Variants in HS3ST3A1 observed in about 807,000 individuals in gnomAD.
HS3ST3A1 encodes the protein heparan sulfate glucosamine 3-O-sulfotransferase 3A1.
A neutral mutation model predicts 25.7 loss-of-function variants in HS3ST3A1; 19 were observed. The ratio of observed to expected loss-of-function variants is 0.74; its 90% CI spans 0.52 to 1.08. The LOEUF is 1.08. HS3ST3A1 is among the 50% of genes least tolerant of loss of function. The probability of loss-of-function intolerance (pLI) is 0.00; values close to 1 mark genes in which losing one functional copy is unlikely to be tolerated. For synonymous variants in HS3ST3A1, 226 were observed against 278.6 expected (o/e 0.81, Z 1.88); for missense variants, 459 against 594.3 (o/e 0.77, Z 2.37).
chr17:13,523,056 C>T (rs1318793693), intron 1 of HS3ST3A1, among the ~76,000 whole-genome samples: 1 of 152,022 alleles, frequency 6.6e-6, no homozygotes, highest in Non-Finnish European at 1.5e-5. Flanking sequence ...AAACCAAAGG[C>T]AGAAGTGAGA....
intron 1 of HS3ST3A1, among the ~76,000 whole-genome samples, chr17:13,572,043 G>T (rs1048138011): frequency 2.6e-5 from 4 of 152,186 alleles, no homozygotes; most frequent in African/African-American, 9.7e-5. Flanking sequence ...ACAGCCATGA[G>T]CCACAGCACC....
At chr17:13,509,827 C>G (rs972596476) in intron 1 of HS3ST3A1, among the ~76,000 whole-genome samples, 1 of 152,124 alleles carries the variant, frequency 6.6e-6, no homozygotes, top group South Asian at 2.1e-4. Context: ...GTCATTCAGC[C>G]GAAAGAACAC....
intron 1 of HS3ST3A1, among the ~76,000 whole-genome samples, chr17:13,536,010 C>A (rs909814217): frequency 6.6e-6 from 1 of 152,102 alleles, no homozygotes; most frequent in Non-Finnish European, 1.5e-5. Flanking sequence ...CCTAGAGAAC[C>A]ACAGTTACTA....
chr17:13,519,381 C>A (rs1367756258), intron 1 of HS3ST3A1, among the ~76,000 whole-genome samples: 1 of 152,088 alleles, frequency 6.6e-6, no homozygotes, highest in Non-Finnish European at 1.5e-5. Flanking sequence ...TATTTTAGCC[C>A]ATTTTTCTTT....
In HS3ST3A1 at chr17:13,530,113, C is replaced by T. The variant is rs1906559815; in HGVS notation, c.600-33295G>A. Among the ~76,000 whole-genome samples, 4 of 152,102 alleles carry T rather than the reference C, an allele frequency of 2.6e-5. No individual in the cohort carries two copies. The South Asian group carries it at 6.2e-4, about 24-fold the overall frequency. ...GGGCTTGATCTCAGAAGAAGAAATGCCCCCTTTTCATTCCTTTGAATAGAT... is the reference window on the plus strand; with the variant it reads ...GGGCTTGATCTCAGAAGAAGAAATGTCCCCTTTTCATTCCTTTGAATAGAT... On this transcript the variant is annotated intron_variant, in intron 1 of 1. Coordinates refer to ENST00000284110, the MANE Select transcript of HS3ST3A1 (RefSeq NM_006042.3).
At chr17:13,527,307 G>A (rs1012915670) in intron 1 of HS3ST3A1, among the ~76,000 whole-genome samples, 3 of 152,186 alleles carry the variant, frequency 2.0e-5, no homozygotes, top group African/African-American at 7.2e-5. Context: ...AGGGCATGGA[G>A]CATTAAAAAG....
intron 1 of HS3ST3A1, among the ~76,000 whole-genome samples, chr17:13,583,312 T>C (rs1236433038): frequency 6.6e-6 from 1 of 152,208 alleles, no homozygotes; most frequent in East Asian, 1.9e-4. Flanking sequence ...TCTCTTCCCC[T>C]TTTGGTTTTC....
At chr17:13,552,380 C>T (rs540545938) in intron 1 of HS3ST3A1, among the ~76,000 whole-genome samples, 3 of 152,324 alleles carry the variant, frequency 2.0e-5, no homozygotes, top group East Asian at 3.9e-4. Context: ...CGCACCTGGC[C>T]GGTTCTTGAA....
At chr17:13,498,517 T>C (rs200149920) in intron 1 of HS3ST3A1, among the ~76,000 whole-genome samples, 2 of 152,212 alleles carry the variant, frequency 1.3e-5, no homozygotes, top group African/African-American at 4.8e-5. Flanking sequence ...TCTACTTTTC[T>C]GTATAAAAAC....
intron 1 of HS3ST3A1, among the ~76,000 whole-genome samples, chr17:13,582,020 A>AT (rs1413946860): frequency 2.0e-5 from 3 of 152,190 alleles, no homozygotes; most frequent in Non-Finnish European, 4.4e-5. Context: ...CTATTTTAAA[A>AT]TTACCTTGAC....
At chr17:13,554,036 C>T (rs1397474005) in intron 1 of HS3ST3A1, among the ~76,000 whole-genome samples, 1 of 152,106 alleles carries the variant, frequency 6.6e-6, no homozygotes, top group Non-Finnish European at 1.5e-5. Flanking sequence ...GGAGTGATGC[C>T]ACTGATATCA....
intron 1 of HS3ST3A1, among the ~76,000 whole-genome samples, chr17:13,533,873 C>A (rs1906687905): frequency 1.3e-5 from 2 of 151,888 alleles, no homozygotes; most frequent in African/African-American, 4.8e-5. Flanking sequence ...ACTGTAAATC[C>A]CTGAAGAGCT....
intron 1 of HS3ST3A1, among the ~76,000 whole-genome samples, chr17:13,559,911 A>C (rs537957954): frequency 1.3e-5 from 2 of 152,028 alleles, no homozygotes; most frequent in African/African-American, 4.8e-5. Context: ...TTTTTGCAAA[A>C]GGCCCATCTT....
intron 1 of HS3ST3A1, among the ~76,000 whole-genome samples, chr17:13,507,356 A>C (rs1305884949): frequency 6.6e-6 from 1 of 152,234 alleles, no homozygotes; most frequent in Non-Finnish European, 1.5e-5. Flanking sequence ...AATGTGACTT[A>C]TCCAAGCACA....
At chr17:13,586,057 C>T (rs1485314930) in intron 1 of HS3ST3A1, among the ~76,000 whole-genome samples, 1 of 151,658 alleles carries the variant, frequency 6.6e-6, no homozygotes, top group Admixed American at 6.6e-5. Context: ...CCATGTTGAC[C>T]AGGATGGTCT....
chr17:13,574,997 C>T (rs1362205614), intron 1 of HS3ST3A1, among the ~76,000 whole-genome samples: 2 of 151,524 alleles, frequency 1.3e-5, no homozygotes, highest in African/African-American at 4.9e-5. Context: ...ATGCTTCCCT[C>T]TTCCACTTCA....
At chr17:13,528,386 C>G (rs753551484) in intron 1 of HS3ST3A1, among the ~76,000 whole-genome samples, 9 of 152,194 alleles carry the variant, frequency 5.9e-5, no homozygotes, top group Non-Finnish European at 1.3e-4. Flanking sequence ...GCTGTTAGAG[C>G]CTTTAGGCTC....
chr17:13,530,121 T>C lies in HS3ST3A1; in HGVS notation c.600-33303A>G, dbSNP rs1258545268. Among the ~76,000 whole-genome samples the C allele has an allele frequency of 3.3e-5, 5 of 152,202 alleles. No homozygotes were observed. In the East Asian group the frequency reaches 9.7e-4, roughly 29 times the overall value. On this transcript the variant is annotated intron_variant, in intron 1 of 1. Coordinates refer to ENST00000284110, the MANE Select transcript of HS3ST3A1 (RefSeq NM_006042.3). ...TCTCAGAAGAAGAAATGCCCCCTTT[T>C]CATTCCTTTGAATAGATGCAATACA...
intron 1 of HS3ST3A1, among the ~76,000 whole-genome samples, chr17:13,538,435 G>A (rs965526851): frequency 6.6e-5 from 10 of 152,058 alleles, no homozygotes; most frequent in Non-Finnish European, 1.0e-4. Flanking sequence ...CGCTTACCCC[G>A]GTTACCCAAC....
Sources: gnomAD v4.1 joint callset for allele counts (sites outside exome capture counted in the v4.1 genomes callset) on GRCh38, gnomAD v4.1.1 for gene constraint, MANE v1.5 for transcripts, NCBI Gene and HGNC (gene_info 2026-07-23, HGNC 2026-07-21) for gene names.